The following RBFOX1 variants were observed in gnomAD, a reference collection of about 807,000 sequenced individuals.
RBFOX1 encodes the protein RNA binding fox-1 homolog 1, also known as RNA binding protein fox-1 homolog 1.
A neutral mutation model predicts 57.7 loss-of-function variants in RBFOX1; 8 were observed. The ratio of observed to expected loss-of-function variants is 0.14; its 90% CI spans 0.08 to 0.25. The LOEUF (loss-of-function observed/expected upper bound fraction) is 0.25. Ranked by LOEUF, RBFOX1 falls within the 10% of genes least tolerant of loss-of-function variation. RBFOX1 has a pLI of 1.00. For synonymous variants in RBFOX1, 326 were observed against 222.4 expected (o/e 1.47, Z -4.15); for missense variants, 611 against 548.5 (o/e 1.11, Z -1.14).
intron 4 of RBFOX1, among the ~76,000 whole-genome samples, chr16:7,199,103 C>G (rs1406460967): frequency 6.6e-6 from 1 of 152,152 alleles, no homozygotes; most frequent in Non-Finnish European, 1.5e-5. Flanking sequence ...AGGAAGAACA[C>G]AGGCTGCAGA....
At chr16:6,607,433 T>TCA (rs752453190) in intron 2 of RBFOX1, among the ~76,000 whole-genome samples, 1 of 149,188 alleles carries the variant, frequency 6.7e-6, no homozygotes, top group African/African-American at 2.5e-5. Flanking sequence ...TCTCTCTCTC[T>TCA]CTCGCTCTCT....
chr16:5,966,258 A>G (rs1433406023), intron 4 of RBFOX1, among the ~76,000 whole-genome samples: 2 of 152,146 alleles, frequency 1.3e-5, no homozygotes, highest in Admixed American at 1.3e-4. Flanking sequence ...CTGTAAAGAA[A>G]TACCTGAGAC....
chr16:5,900,542 G>C (rs139283308), intron 4 of RBFOX1, among the ~76,000 whole-genome samples: 1 of 152,224 alleles, frequency 6.6e-6, no homozygotes, highest in East Asian at 1.9e-4. Context: ...GGAGACCTTT[G>C]TCTGGACCCG....
At chr16:7,106,282 TC>T (rs768620711) in intron 4 of RBFOX1, among the ~76,000 whole-genome samples, 2 of 152,222 alleles carry the variant, frequency 1.3e-5, no homozygotes, top group Non-Finnish European at 2.9e-5. Context: ...TGAGTTTCCA[TC>T]TCTAGAAATT....
chr16:6,992,066 G>A (rs1440172212), intron 3 of RBFOX1, among the ~76,000 whole-genome samples: 1 of 152,096 alleles, frequency 6.6e-6, no homozygotes, highest in Non-Finnish European at 1.5e-5. Context: ...ATATTGGCCT[G>A]TCTTTGCCAG....
intron 1 of RBFOX1, chr16:5,270,681 A>C: frequency 1.9e-6 from 1 of 533,126 alleles, no homozygotes; most frequent in Non-Finnish European, 3.5e-6. Flanking sequence ...AGGTGTTGGA[A>C]ATCATGACCT....
chr16:6,893,751 G>C (rs1476083574), intron 3 of RBFOX1, among the ~76,000 whole-genome samples: 2 of 152,172 alleles, frequency 1.3e-5, no homozygotes, highest in African/African-American at 2.4e-5. Flanking sequence ...TTATCATGAA[G>C]ACCAAAACAC....
chr16:7,124,181 GACA>G (rs1330562614), intron 4 of RBFOX1, among the ~76,000 whole-genome samples: 9 of 152,232 alleles, frequency 5.9e-5, no homozygotes, highest in African/African-American at 2.2e-4. Flanking sequence ...CATCTGTAAT[GACA>G]GCACTTCGGG....
At chr16:6,269,979 T>A (rs1026252702) in intron 1 of RBFOX1, among the ~76,000 whole-genome samples, 9 of 152,112 alleles carry the variant, frequency 5.9e-5, no homozygotes, top group Admixed American at 2.6e-4. Context: ...GAGTTAAGAT[T>A]TCCACACTTC....
In RBFOX1 at chr16:5,264,798, C is replaced by T. The variant is rs539974538; in HGVS notation, c.219+24693C>T. Among the ~76,000 whole-genome samples, 10 of 152,168 alleles carry T rather than the reference C, an allele frequency of 6.6e-5. No homozygotes were observed. The South Asian group carries it at 1.9e-3, about 28-fold the overall frequency. On this transcript the variant is annotated intron_variant, in intron 1 of 2. Transcript: ENST00000585867. ...TCTCTAGCATTCTTCTCCCTCTGTTCCCTGCTTGGTGATACTCCAGGTAAT... is the reference window on the plus strand; with the variant it reads ...TCTCTAGCATTCTTCTCCCTCTGTTTCCTGCTTGGTGATACTCCAGGTAAT...
At chr16:5,727,920 C>G (rs1188922581) in intron 3 of RBFOX1, among the ~76,000 whole-genome samples, 4 of 152,222 alleles carry the variant, frequency 2.6e-5, no homozygotes, top group African/African-American at 4.8e-5. Flanking sequence ...CTCCTGGCCT[C>G]AAGTGGTCCT....
chr16:5,428,528 G>A (rs2067632407), intron 1 of RBFOX1, among the ~76,000 whole-genome samples: 1 of 152,162 alleles, frequency 6.6e-6, no homozygotes, highest in Admixed American at 6.5e-5. Flanking sequence ...AGGCAAATAG[G>A]TAAGATGCTT....
intron 4 of RBFOX1, among the ~76,000 whole-genome samples, chr16:7,463,854 A>G (rs1468879224): frequency 1.3e-5 from 2 of 152,208 alleles, no homozygotes; most frequent in African/African-American, 4.8e-5. Flanking sequence ...GATACTTCAA[A>G]TTGATTGGAT....
At chr16:6,058,562 T>C (rs2095642809) in intron 1 of RBFOX1, among the ~76,000 whole-genome samples, 1 of 152,058 alleles carries the variant, frequency 6.6e-6, no homozygotes, top group Non-Finnish European at 1.5e-5. Flanking sequence ...CATCCATGCA[T>C]CCACCATCCA....
chr16:5,394,689 C>T (rs2066502249), intron 1 of RBFOX1, among the ~76,000 whole-genome samples: 1 of 151,614 alleles, frequency 6.6e-6, no homozygotes, highest in African/African-American at 2.4e-5. Context: ...GCTGAGACTA[C>T]AGATGCATGC....
upstream of RBFOX1, among the ~76,000 whole-genome samples, chr16:6,014,510 G>A (rs901153586): frequency 6.6e-6 from 1 of 152,190 alleles, no homozygotes; most frequent in Non-Finnish European, 1.5e-5. Flanking sequence ...ACGATAGATG[G>A]TGAGTGAGTT....
At chr16:6,396,649 A>G (rs2092848464) in intron 2 of RBFOX1, among the ~76,000 whole-genome samples, 1 of 152,210 alleles carries the variant, frequency 6.6e-6, no homozygotes, top group African/African-American at 2.4e-5. Flanking sequence ...TGCTATAACA[A>G]AAATCAGCAC....
At chr16:6,408,979 G>C (rs2093373630) in intron 2 of RBFOX1, among the ~76,000 whole-genome samples, 1 of 152,136 alleles carries the variant, frequency 6.6e-6, no homozygotes, top group African/African-American at 2.4e-5. Context: ...CCTGAAGGTA[G>C]AAAACTTTTC....
chr16:6,085,415 G>A (rs2096069222), intron 1 of RBFOX1, among the ~76,000 whole-genome samples: 1 of 152,176 alleles, frequency 6.6e-6, no homozygotes, highest in Non-Finnish European at 1.5e-5. Context: ...TGGGAGTACA[G>A]GTATGCGCCG....
Sources: gnomAD v4.1 joint callset for allele counts (sites outside exome capture counted in the v4.1 genomes callset) on GRCh38, gnomAD v4.1.1 for gene constraint, MANE v1.5 for transcripts, NCBI Gene and HGNC (gene_info 2026-07-23, HGNC 2026-07-21) for gene names.